Variants in POLA1 observed in about 807,000 individuals in gnomAD.
POLA1 encodes the protein DNA polymerase alpha 1, catalytic subunit.
A neutral mutation model predicts 124.0 loss-of-function variants in POLA1; 15 were observed. The ratio of observed to expected loss-of-function variants is 0.12; its 90% CI spans 0.08 to 0.19. POLA1 has a LOEUF of 0.19. POLA1 is among the 10% of genes least tolerant of loss of function. The pLI is 1.00. For missense variants in POLA1, 886 were observed against 1,103.4 expected, an observed-to-expected ratio of 0.80 and a Z score of 2.79; for synonymous variants, 408 against 389.4, an observed-to-expected ratio of 1.05 and a Z score of -0.56.
At chrX:24,936,779 C>T (rs1419840353) in intron 36 of POLA1, among the ~76,000 whole-genome samples, 1 of 111,750 alleles carries the variant, frequency 8.9e-6, no homozygotes, top group Non-Finnish European at 1.9e-5. Flanking sequence ...GATCCACCCG[C>T]CTCGGCCTCC....
intron 1 of POLA1, among the ~76,000 whole-genome samples, chrX:24,696,587 T>G (rs1232666168): frequency 9.0e-6 from 1 of 111,465 alleles, no homozygotes; most frequent in Non-Finnish European, 1.9e-5. Flanking sequence ...GCTGCAAGGG[T>G]GTCTGGGAAA....
intron 34 of POLA1, among the ~76,000 whole-genome samples, chrX:24,867,546 A>G (rs2046810898): frequency 8.9e-6 from 1 of 112,084 alleles, no homozygotes. Flanking sequence ...GTATTTTTAA[A>G]TACATGAAAC....
intron 17 of POLA1, among the ~76,000 whole-genome samples, chrX:24,735,046 ACCAG>A (rs1931188318): frequency 8.9e-6 from 1 of 112,361 alleles, no homozygotes; most frequent in African/African-American, 3.2e-5. Flanking sequence ...AGTGAAGTCT[ACCAG>A]GGATTATATA....
chrX:24,803,349 A>G (rs2045748345), intron 26 of POLA1, among the ~76,000 whole-genome samples: 1 of 111,434 alleles, frequency 9.0e-6, no homozygotes, highest in Admixed American at 9.5e-5. Flanking sequence ...GGTAGGGGCT[A>G]GGGATGCTGC....
chrX:24,970,108 C>A (rs1426414632), intron 36 of POLA1, among the ~76,000 whole-genome samples: 1 of 112,035 alleles, frequency 8.9e-6, no homozygotes, highest in Non-Finnish European at 1.9e-5. Context: ...TCTCTGCAGA[C>A]ATAAAGACAA....
intron 30 of POLA1, among the ~76,000 whole-genome samples, chrX:24,821,135 T>C (rs2046081245): frequency 8.9e-6 from 1 of 112,155 alleles, no homozygotes; most frequent in African/African-American, 3.2e-5. Flanking sequence ...GTGAGATAAT[T>C]GCACACATTA....
chrX:24,940,896 A>G (rs2047902831), intron 36 of POLA1, among the ~76,000 whole-genome samples: 1 of 112,085 alleles, frequency 8.9e-6, no homozygotes, highest in African/African-American at 3.2e-5. Flanking sequence ...GCTTCAGGCA[A>G]ATTATAGGAT....
intron 24 of POLA1, among the ~76,000 whole-genome samples, 162 bp from the exon 25 acceptor site, chrX:24,748,149 A>C (rs1030695476): frequency 8.9e-6 from 1 of 112,663 alleles, no homozygotes. Context: ...CCTGTTCTAC[A>C]ACCCTCTCAG....
In POLA1 at chrX:24,966,494, TA is replaced by T. The variant is rs769999854; in HGVS notation, c.4262-29309del. 6.6e-3 allele frequency among the ~76,000 whole-genome samples: 727 copies of T among 110,567 alleles called. 7 individuals are homozygous for T. Among genetic ancestry groups the T allele is most frequent in the Non-Finnish European group, 9.8e-3 (522 of 53,266 alleles). On this transcript the variant is annotated intron_variant, in intron 36 of 36. Transcript: ENST00000379068. ...GTTTATCAAGTCCTTATTTTAAGAT[TA>T]ACATGAAGAATACTTAATGTTGTAA...
chrX:24,802,968 C>T (rs1053003828), intron 26 of POLA1, among the ~76,000 whole-genome samples: 5 of 111,337 alleles, frequency 4.5e-5, no homozygotes, highest in African/African-American at 6.5e-5. Flanking sequence ...ACTGCACTCC[C>T]AGCCTGGGCG....
At position 24,924,989 on chromosome X, in the gene POLA1, G is replaced by A. The variant is rs5986711; in HGVS notation, c.4165-5464G>A. ...GATTTTTCAGCAAAGACTATCCTAAGCTGGATTTTCATTTCTAGACATGTA... is the reference window on the plus strand; with the variant it reads ...GATTTTTCAGCAAAGACTATCCTAAACTGGATTTTCATTTCTAGACATGTA... On this transcript the variant is annotated intron_variant, in intron 35 of 36. Coordinates refer to ENST00000379068, the MANE Select transcript of POLA1 (RefSeq NM_001330360.2). Among the ~76,000 whole-genome samples the A allele has an allele frequency of 2.9e-3, 321 of 111,696 alleles. 3 individuals carry two copies. The highest frequency in any genetic ancestry group is 9.6e-3 in the African/African-American group (296 of 30,695).
intron 36 of POLA1, among the ~76,000 whole-genome samples, chrX:24,960,746 A>G (rs1375900451): frequency 2.7e-5 from 3 of 111,788 alleles, no homozygotes; most frequent in East Asian, 5.6e-4. Context: ...TTATTTGTCC[A>G]TAAGTATGTG....
At chrX:24,844,135 C>T (rs1000176040) in intron 34 of POLA1, among the ~76,000 whole-genome samples, 12 of 111,399 alleles carry the variant, frequency 1.1e-4, no homozygotes, top group African/African-American at 3.6e-4. Context: ...GCACTCTAAA[C>T]GACTCCATAC....
Position 24,704,392 on chromosome X carries a change from G to A in POLA1, c.269G>A (p.Gly90Asp), listed in dbSNP as rs755917028. The change falls in exon 4 of 37, where the codon GGT becomes GAT. Residue 90 changes from glycine (G) to aspartate (D), a missense_variant. Physicochemically the swap from Gly to Asp is moderately conservative, Grantham distance 94. Coordinates refer to ENST00000379068, the MANE Select transcript of POLA1 (RefSeq NM_001330360.2). ...GTATTAAATTTTGTCCCTGCAGATG[G>A]TATTGGCTATGTGGAAGATGGCCGA... ...QDDDWIVDDD[G>D]IGYVEDGREI... 3 of 1,188,558 alleles carry A rather than the reference G, an allele frequency of 2.5e-6. No homozygotes were observed. The South Asian group carries it at 5.3e-5, about 21-fold the overall frequency.
At chrX:24,827,355 GGT>G (rs1247508727) in intron 32 of POLA1, among the ~76,000 whole-genome samples, 1 of 112,326 alleles carries the variant, frequency 8.9e-6, no homozygotes, top group Non-Finnish European at 1.9e-5. Flanking sequence ...TCTCTTCTGT[GGT>G]AAGCAAAGAT....
intron 35 of POLA1, among the ~76,000 whole-genome samples, chrX:24,894,872 G>A (rs1050561143): frequency 3.8e-5 from 4 of 106,340 alleles, no homozygotes; most frequent in African/African-American, 1.4e-4. Flanking sequence ...CTGAAGCCTC[G>A]ACCTCCTGGG....
In POLA1 at chrX:24,947,246, CTTTTTTTTTTTTTTTTTTTTTT is replaced by C. The variant is rs764618354; in HGVS notation, c.4261+16715_4261+16736del. On this transcript the variant is annotated intron_variant, in intron 36 of 36. Transcript: ENST00000379068. ...CAGCTGGTTGTTTTCCCTGCAGATT[CTTTTTTTTTTTTTTTTTTTTTT>C]TTTTTTTTTTTTTTTTTGAGACAGA... Among the ~76,000 whole-genome samples the C allele has an allele frequency of 3.4e-3, 73 of 21,618 alleles. 1 individual carries two copies. The East Asian group carries it at 0.1, about 31-fold the overall frequency. The allele number at this position is 21,618 out of a possible 115,157, so 18.8% of individuals were successfully genotyped here. A position where few individuals can be genotyped will look rare whatever the true frequency, so the allele number is the denominator to read the frequency against.
chrX:24,704,898 TTAAAA>T (rs1278839314), intron 4 of POLA1, among the ~76,000 whole-genome samples: 1 of 112,343 alleles, frequency 8.9e-6, no homozygotes, highest in Non-Finnish European at 1.9e-5. Flanking sequence ...TAATTGAAAT[TTAAAA>T]TAATATGGTG....
chrX:24,722,560 A>G (rs1182779313), intron 10 of POLA1, among the ~76,000 whole-genome samples: 1 of 112,843 alleles, frequency 8.9e-6, no homozygotes, highest in African/African-American at 3.2e-5. Context: ...ACAGTTTTAC[A>G]TATAGAAAAA....
Sources: allele counts gnomAD v4.1 joint callset (sites outside exome capture counted in the v4.1 genomes callset), GRCh38; gene constraint gnomAD v4.1.1; transcripts MANE v1.5; gene names NCBI Gene and HGNC (gene_info 2026-07-23, HGNC 2026-07-21).